The following MAGI2 variants were observed in gnomAD, a reference collection of about 807,000 sequenced individuals.
MAGI2 encodes membrane associated guanylate kinase, WW and PDZ domain containing 2.
A neutral mutation model predicts 133.3 loss-of-function variants in MAGI2; 35 were observed. That is an observed-to-expected ratio of 0.26 (90% confidence interval 0.20 to 0.35). The LOEUF (loss-of-function observed/expected upper bound fraction) is 0.35. Ranked by LOEUF, MAGI2 falls within the 10% of genes least tolerant of loss-of-function variation. The pLI is 1.00. For missense variants in MAGI2, 1,636 were observed against 1,863.4 expected, an observed-to-expected ratio of 0.88 and a Z score of 2.25; for synonymous variants, 729 against 710.6, an observed-to-expected ratio of 1.03 and a Z score of -0.41.
intron 1 of MAGI2, among the ~76,000 whole-genome samples, chr7:79,152,433 G>C (rs1307112254): frequency 6.6e-6 from 1 of 152,152 alleles, no homozygotes; most frequent in Non-Finnish European, 1.5e-5. Flanking sequence ...AAAAGTACAA[G>C]CTTCAATTTT....
At chr7:78,511,381 T>C (rs980885974) in intron 4 of MAGI2, among the ~76,000 whole-genome samples, 3 of 151,838 alleles carry the variant, frequency 2.0e-5, no homozygotes, top group Non-Finnish European at 4.4e-5. Flanking sequence ...ACACAGTCAG[T>C]TCATCAAGAA....
At chr7:78,489,426 T>C (rs1793380765) in intron 6 of MAGI2, among the ~76,000 whole-genome samples, 1 of 152,036 alleles carries the variant, frequency 6.6e-6, no homozygotes, top group African/African-American at 2.4e-5. Flanking sequence ...TTATGCATCA[T>C]ATCTGACTCC....
chr7:79,447,609 T>A (rs1340960809), intron 1 of MAGI2, among the ~76,000 whole-genome samples: 1 of 151,972 alleles, frequency 6.6e-6, no homozygotes, highest in African/African-American at 2.4e-5. Flanking sequence ...CAGACTTACT[T>A]ATATTGCATT....
intron 1 of MAGI2, among the ~76,000 whole-genome samples, chr7:79,433,888 T>C (rs999117608): frequency 8.5e-5 from 13 of 152,172 alleles, no homozygotes. Flanking sequence ...ATATTCTTAA[T>C]ACAAAAATGT....
At chr7:78,911,566 C>T (rs992655538) in intron 2 of MAGI2, among the ~76,000 whole-genome samples, 5 of 152,094 alleles carry the variant, frequency 3.3e-5, no homozygotes, top group African/African-American at 1.2e-4. Flanking sequence ...GAACTTCCCA[C>T]CCTCCAGAAT....
rs186275906 is a variant in MAGI2, at chr7:78,192,709, T to C, written c.2269+2165A>G. ...CTCCATTTAGTGTTATGAAGAAATG[T>C]GATAGAAAAGAGAAGGATAGGAAAG... On this transcript the variant is annotated intron_variant, in intron 12 of 21. Coordinates refer to ENST00000354212, the MANE Select transcript of MAGI2 (RefSeq NM_012301.4). Among the ~76,000 whole-genome samples the C allele has an allele frequency of 1.7e-3, 264 of 152,264 alleles. 2 individuals carry two copies. Among genetic ancestry groups the C allele is most frequent in the Middle Eastern group, 3.4e-3 (1 of 294 alleles).
At chr7:79,056,295 G>A (rs1232239669) in intron 1 of MAGI2, among the ~76,000 whole-genome samples, 3 of 152,142 alleles carry the variant, frequency 2.0e-5, no homozygotes, top group East Asian at 1.9e-4. Context: ...GGCTGCAGGA[G>A]TTCAAGGCTG....
At chr7:79,239,196 G>A (rs908527402) in intron 1 of MAGI2, among the ~76,000 whole-genome samples, 2 of 152,068 alleles carry the variant, frequency 1.3e-5, no homozygotes, top group Non-Finnish European at 2.9e-5. Flanking sequence ...GTATTAATGG[G>A]TGGTGAGTCT....
intron 1 of MAGI2, among the ~76,000 whole-genome samples, chr7:79,186,211 TATATATATATATATATATATATATATA>T (rs1827093742): frequency 1.7e-3 from 7 of 4,100 alleles, no homozygotes; most frequent in Non-Finnish European, 0.011. Context: ...TATATATATA[TATATATATATATATATATATATATATA>T]TATATTTATA....
chr7:78,836,785 T>C (rs969699), intron 2 of MAGI2, among the ~76,000 whole-genome samples: 36,697 of 152,108 alleles, frequency 0.24, 4,679 homozygotes, highest in South Asian at 0.45. Flanking sequence ...CCCTGAATCA[T>C]TTACCTTCAG....
At chr7:78,508,320 C>T (rs1047558642) in intron 4 of MAGI2, among the ~76,000 whole-genome samples, 1 of 152,166 alleles carries the variant, frequency 6.6e-6, no homozygotes, top group Non-Finnish European at 1.5e-5. Flanking sequence ...TGGATCAGTT[C>T]ACTGTGCAGT....
chr7:79,128,926 A>C (rs1820670506), intron 1 of MAGI2, among the ~76,000 whole-genome samples: 1 of 152,154 alleles, frequency 6.6e-6, no homozygotes, highest in Non-Finnish European at 1.5e-5. Flanking sequence ...GCTGGAGTGC[A>C]GTGGCATGAT....
chr7:79,203,276 T>C (rs1214928028), intron 1 of MAGI2, among the ~76,000 whole-genome samples: 2 of 152,028 alleles, frequency 1.3e-5, no homozygotes, highest in Non-Finnish European at 2.9e-5. Context: ...AAATAACAAA[T>C]AGAGTGATCT....
chr7:78,132,775 G>A (rs939921690), intron 18 of MAGI2, 114 bp downstream of exon 18: 16 of 1,488,388 alleles, frequency 1.1e-5, no homozygotes, highest in Admixed American at 3.8e-5. Flanking sequence ...TATGCACGGC[G>A]ATTTCTACTT....
At chr7:79,389,180 T>C (rs1230778434) in intron 1 of MAGI2, among the ~76,000 whole-genome samples, 2 of 152,034 alleles carry the variant, frequency 1.3e-5, no homozygotes, top group Admixed American at 1.3e-4. Context: ...ATATCCTTAA[T>C]TAATAAATTA....
At chr7:78,174,763 G>A (rs539427043) in intron 14 of MAGI2, among the ~76,000 whole-genome samples, 1 of 152,322 alleles carries the variant, frequency 6.6e-6, no homozygotes, top group East Asian at 1.9e-4. Flanking sequence ...ATTGTAATTA[G>A]AGGGTTGTGT....
At chr7:79,118,914 G>A (rs1819641736) in intron 1 of MAGI2, among the ~76,000 whole-genome samples, 1 of 152,088 alleles carries the variant, frequency 6.6e-6, no homozygotes. Context: ...TTCAAAGATT[G>A]TTTTACATGT....
chr7:79,385,176 G>A (rs1844086251), intron 1 of MAGI2, among the ~76,000 whole-genome samples: 1 of 151,704 alleles, frequency 6.6e-6, no homozygotes, highest in Non-Finnish European at 1.5e-5. Flanking sequence ...GTAATAAATG[G>A]AATGTTGTAA....
chr7:78,084,574 G>A (rs1402962454), intron 20 of MAGI2, among the ~76,000 whole-genome samples: 1 of 152,170 alleles, frequency 6.6e-6, no homozygotes, highest in Non-Finnish European at 1.5e-5. Flanking sequence ...AATTTCAATG[G>A]TACTTACAGG....
Sources: gnomAD v4.1 joint callset for allele counts (sites outside exome capture counted in the v4.1 genomes callset) on GRCh38, gnomAD v4.1.1 for gene constraint, MANE v1.5 for transcripts, NCBI Gene and HGNC (gene_info 2026-07-23, HGNC 2026-07-21) for gene names.